The following KLK10 variants were observed in gnomAD, a reference collection of about 807,000 sequenced individuals.
The protein encoded by KLK10 is kallikrein related peptidase 10.
A neutral mutation model predicts 25.7 loss-of-function variants in KLK10; 27 were observed. That is an observed-to-expected ratio of 1.05 (90% CI 0.77 to 1.45). The LOEUF is 1.45. KLK10 is among the 40% of genes most tolerant of loss of function. KLK10 has a pLI of 0.00. For missense variants in KLK10, 386 were observed against 370.0 expected (o/e 1.04, Z -0.35); for synonymous variants, 173 against 160.1 (o/e 1.08, Z -0.61).
chr19:51,015,812 C>T, intron 4 of KLK10, 70 bp downstream of exon 4: 5 of 1,405,030 alleles, frequency 3.6e-6, no homozygotes, highest in Non-Finnish European at 4.7e-6. Context: ...CCCATCCTTC[C>T]TCAGACCCAG....
At chr19:51,016,769 A>G (rs1053507798) in intron 3 of KLK10, among the ~76,000 whole-genome samples, 4 of 150,906 alleles carry the variant, frequency 2.7e-5, no homozygotes, top group Admixed American at 6.6e-5. Flanking sequence ...GTAATACCCA[A>G]CCCTTCCTCC....
rs544958926 is a variant in KLK10 at position 51,013,431 on chromosome 19, CTTT to C, written c.*1366_*1368del. 4.6e-5 allele frequency: 7 copies of C among 152,196 alleles called. No homozygotes were observed. In the South Asian group the frequency reaches 1.5e-3, roughly 32 times the overall value. 9.4% of individuals were successfully genotyped at this position (152,196 alleles called of 1,614,324 possible). The stretch of plus-strand genomic sequence containing the variant: ...ATAAGCTGAGACACTCAAACTTCTT[CTTT>C]TTTTGAGATGGAGTTTTGCTCTTTT... On this transcript the variant is annotated 3_prime_UTR_variant, in exon 6 of 6. Transcript: ENST00000358789.
intron 3 of KLK10, 92 bp downstream of exon 3, chr19:51,017,018 G>A (rs2091337099): frequency 1.6e-6 from 2 of 1,265,304 alleles, no homozygotes; most frequent in Non-Finnish European, 1.1e-6. Flanking sequence ...CTCCAGCTGT[G>A]GGAGTTCCGA....
In KLK10 at chr19:51,014,707, C is replaced by A. The variant is rs144886029; in HGVS notation, c.*93G>T. On this transcript the variant is annotated 3_prime_UTR_variant, in exon 6 of 6. Transcript: ENST00000358789. ...AGTGCAGACAAGGGGAGAGTTCAGCCGACTGGGGAGGAAGAGGATGGACGA... is the reference window on the plus strand; with the variant it reads ...AGTGCAGACAAGGGGAGAGTTCAGCAGACTGGGGAGGAAGAGGATGGACGA... 5.0e-3 allele frequency: 6,869 copies of A among 1,369,314 alleles called. 40 individuals are homozygous for A. Among genetic ancestry groups the A allele is most frequent in the Non-Finnish European group, 5.8e-3 (5,623 of 976,186 alleles). 84.8% of individuals were successfully genotyped at this position (1,369,314 alleles called of 1,614,324 possible).
At chr19:51,017,455 A>G in intron 2 of KLK10, 165 bp from the exon 3 acceptor site, 1 of 637,978 alleles carries the variant, frequency 1.6e-6, no homozygotes, top group Non-Finnish European at 2.7e-6. Context: ...AGGGAATGGG[A>G]GGAGAAGAAG....
chr19:51,016,589 T>A (rs908532326), intron 3 of KLK10, among the ~76,000 whole-genome samples: 1 of 150,160 alleles, frequency 6.7e-6, no homozygotes, highest in African/African-American at 2.4e-5. Flanking sequence ...TTTTTTAAAA[T>A]TTTTTATTTT....
chr19:51,019,122 A>C lies in KLK10; in HGVS notation c.9T>G (p.Ala3=). Residue 3 remains alanine, a synonymous_variant, in exon 2 of 6, where the codon GCT becomes GCG. Coordinates refer to ENST00000358789, the MANE Select transcript of KLK10 (RefSeq NM_145888.3). This position sits in a 1 kb window ranked among gnomAD's most constrained non-coding sequence, Gnocchi z 4.2. ...AGGCGGCGGAGAGGTGGAGGTGCGG[A>C]GCTCTCATGGCCAGGATCTGCTGGG... MR[A]PHLHLSAASG... 2 of 1,608,960 alleles carry C rather than the reference A, an allele frequency of 1.2e-6. No homozygotes were observed. Among genetic ancestry groups the C allele is most frequent in the Non-Finnish European group, 1.7e-6 (2 of 1,179,148 alleles).
intron 5 of KLK10, 99 bp from the exon 6 acceptor site, chr19:51,015,051 G>A (rs2091305684): frequency 9.3e-7 from 1 of 1,078,972 alleles, no homozygotes. Context: ...AGTTGGGTTG[G>A]GATAAAGACG....
At position 51,015,521 on chromosome 19, in the gene KLK10, T is replaced by C. The variant is rs762745058; in HGVS notation, c.574A>G (p.Ser192Gly). The change falls in exon 5 of 6, where the codon AGC becomes GGC. Residue 192 changes from serine to glycine, a missense_variant. Coordinates refer to ENST00000358789, the MANE Select transcript of KLK10 (RefSeq NM_145888.3). Reference protein sequence around the residue: ...VKYNKGLTCSSITILSPKECE... With the variant: ...VKYNKGLTCSGITILSPKECE... ...TCTTTAGGGCTCAGGATAGTGATGC[T>C]GGAGCAGGTCAGGCCCTTGTTGTAC... The C allele has an allele frequency of 4.3e-6, 7 of 1,613,962 alleles. No individual in the cohort carries two copies. Among genetic ancestry groups the C allele is most frequent in the Non-Finnish European group, 5.9e-6 (7 of 1,179,880 alleles).
chr19:51,014,600 A>C lies in KLK10; in HGVS notation c.*200T>G. On this transcript the variant is annotated 3_prime_UTR_variant, in exon 6 of 6. Transcript: ENST00000358789. ...CCACTTCCTGCATTTCAGCTTCAGT[A>C]CAGGCAGAGAATGGGGATAGGTGGG... is the stretch of plus-strand genomic sequence containing the variant. 1 of 495,688 alleles carries C rather than the reference A, an allele frequency of 2.0e-6. No individual in the cohort carries two copies. The highest frequency in any genetic ancestry group is 3.6e-6 in the Non-Finnish European group (1 of 278,948). The allele number at this position is 495,688 out of a possible 1,614,324, so 30.7% of individuals were successfully genotyped here.
intron 3 of KLK10, 111 bp downstream of exon 3, chr19:51,016,999 G>C (rs1451018705): frequency 1.8e-6 from 2 of 1,108,838 alleles, no homozygotes; most frequent in African/African-American, 3.2e-5. Flanking sequence ...AGGACACCGG[G>C]GACCGCACCT....
At chr19:51,018,275 C>T (rs1469994750) in intron 2 of KLK10, among the ~76,000 whole-genome samples, 1 of 88,964 alleles carries the variant, frequency 1.1e-5, no homozygotes, top group Non-Finnish European at 2.4e-5. Flanking sequence ...AAGAAACAAA[C>T]GAAAGGAAGG....
intron 2 of KLK10, chr19:51,018,561 G>A (rs892898998): frequency 2.5e-4 from 40 of 159,146 alleles, no homozygotes; most frequent in South Asian, 1.2e-3. Flanking sequence ...AAAACTAGCC[G>A]GGCTTGGTGG....
At chr19:51,017,354 T>C in intron 2 of KLK10, 64 bp from the exon 3 acceptor site, 1 of 1,466,356 alleles carries the variant, frequency 6.8e-7, no homozygotes, top group Non-Finnish European at 9.1e-7. Flanking sequence ...GGGTTGGAGC[T>C]GGGCTGTGGC....
chr19:51,015,606 C>T, intron 4 of KLK10, 56 bp from the exon 5 acceptor site: 1 of 1,571,076 alleles, frequency 6.4e-7, no homozygotes, highest in Non-Finnish European at 8.8e-7. Context: ...CTTGGGGAGC[C>T]AGGAGTCCAG....
chr19:51,018,950 G>A, intron 2 of KLK10, 93 bp downstream of exon 2: 1 of 949,448 alleles, frequency 1.1e-6, no homozygotes, highest in Non-Finnish European at 1.6e-6. Flanking sequence ...CTCGGGGGAG[G>A]AGAGGTGCGC....
rs770924662 is a variant in KLK10, at chr19:51,019,063, A to T, written c.68T>A (p.Leu23Gln). ...CTTACCCCAGAGTTGCGCCATCAGC[A>T]GCGGCAGCAGCTTCGCCAGAGCCCG... is the stretch of plus-strand genomic sequence containing the variant. ...GARALAKLLP[L>Q]LMAQLWAAEA... Residue 23 changes from leucine (L) to glutamine (Q), a missense_variant, in exon 2 of 6, where the codon CTG (leucine) becomes CAG (glutamine). Transcript: ENST00000358789. This position sits in a 1 kb window ranked among gnomAD's most constrained non-coding sequence, Gnocchi z 4.2. 4.4e-6 allele frequency: 7 copies of T among 1,604,700 alleles called. 1 individual carries two copies. In the South Asian group the frequency reaches 7.7e-5, roughly 18 times the overall value.
chr19:51,019,202 G>C lies in KLK10; in HGVS notation c.-9-63C>G, dbSNP rs1021515838. 53 of 1,173,874 alleles carry C rather than the reference G, an allele frequency of 4.5e-5. No homozygotes were observed. Among genetic ancestry groups the C allele is most frequent in the Non-Finnish European group, 6.1e-5 (51 of 835,554 alleles). 72.7% of individuals were successfully genotyped at this position (1,173,874 alleles called of 1,614,324 possible). A position where few individuals can be genotyped will look rare whatever the true frequency, so the allele number is the denominator to read the frequency against. ...CTCCGTTAGAGACCCCCACCTCGCC[G>C]CGCTCATCCGCCCAGCCTGGGCCAC... On this transcript the variant is annotated intron_variant, in intron 1 of 5. Coordinates refer to ENST00000358789, the MANE Select transcript of KLK10 (RefSeq NM_145888.3). The surrounding 1 kb of genome is among the most constrained non-coding windows in gnomAD (Gnocchi z 4.2).
Position 51,015,450 on chromosome 19 carries a change from A to G in KLK10, c.645T>C (p.Cys215=), listed in dbSNP as rs376391305. Residue 215 remains cysteine, a synonymous_variant, in exon 5 of 6, where the codon TGT becomes TGC. Coordinates refer to ENST00000358789, the MANE Select transcript of KLK10 (RefSeq NM_145888.3). ...YPGVVTNNMI[C]AGLDRGQDPC... ...GGTCCTGGCCCCGGTCCAGTCCAGC[A>G]CATATCATGTTGTTGGTGACCACGC... is the stretch of plus-strand genomic sequence containing the variant. 2.4e-4 allele frequency: 392 copies of G among 1,613,660 alleles called. No homozygotes were observed. Among genetic ancestry groups the G allele is most frequent in the Non-Finnish European group, 3.1e-4 (368 of 1,179,880 alleles).
Sources: allele counts gnomAD v4.1 joint callset (sites outside exome capture counted in the v4.1 genomes callset), GRCh38; gene constraint gnomAD v4.1.1; non-coding constraint Gnocchi (gnomAD v3.1); transcripts MANE v1.5; gene names NCBI Gene and HGNC (gene_info 2026-07-23, HGNC 2026-07-21).